The following CYP2F1 variants were observed in gnomAD, a reference collection of about 807,000 sequenced individuals.
CYP2F1 encodes cytochrome P450 family 2 subfamily F member 1, also known as cytochrome P450 2F1.
A neutral mutation model predicts 40.4 loss-of-function variants in CYP2F1; 33 were observed. The ratio of observed to expected loss-of-function variants is 0.82; its 90% CI spans 0.62 to 1.09. The LOEUF (loss-of-function observed/expected upper bound fraction) is 1.09, where lower values mean the gene tolerates loss of function less well. CYP2F1 is among the 50% of genes least tolerant of loss of function. CYP2F1 has a pLI of 0.00. For missense variants in CYP2F1, 566 were observed against 655.7 expected, an observed-to-expected ratio of 0.86 and a Z score of 1.49; for synonymous variants, 235 against 277.2, an observed-to-expected ratio of 0.85 and a Z score of 1.51.
chr19:41,124,723 C>T lies in CYP2F1; in HGVS notation c.969C>T (p.Arg323=), dbSNP rs73545061. 1.1e-3 allele frequency: 1,685 copies of T among 1,600,820 alleles called. 16 individuals are homozygous for T. In the African/African-American group the frequency reaches 0.02, roughly 19 times the overall value. Reference sequence around the variant, plus strand: ...CGCTTCCCGCTTCCTCTCCAGCCCGCGTGCAGGAGGAGATCGACCTCGTGG... The same window carrying T: ...CGCTTCCCGCTTCCTCTCCAGCCCGTGTGCAGGAGGAGATCGACCTCGTGG... ...ALMKYPKVQA[R]VQEEIDLVVG... is the part of the protein sequence containing the mutation. Residue 323 remains arginine (R), a synonymous_variant, in exon 8 of 10, where the codon CGC becomes CGT. Transcript: ENST00000331105.
At chr19:41,117,830 CTTTATTTA>C (rs71896870) in intron 3 of CYP2F1, among the ~76,000 whole-genome samples, 47,062 of 149,500 alleles carry the variant, frequency 0.31, 7,519 homozygotes, top group Admixed American at 0.4. Flanking sequence ...GGTCTTCAAA[CTTTATTTA>C]TTTATTTATT....
chr19:41,120,955 G>A (rs2032160679), intron 4 of CYP2F1, among the ~76,000 whole-genome samples: 1 of 152,016 alleles, frequency 6.6e-6, no homozygotes. Flanking sequence ...TGTCGCCCAG[G>A]CTGGGTTGCT....
chr19:41,118,586 G>A (rs2031958504), intron 3 of CYP2F1, among the ~76,000 whole-genome samples: 1 of 152,180 alleles, frequency 6.6e-6, no homozygotes, highest in African/African-American at 2.4e-5. Context: ...ATGCAAAGAG[G>A]TGGAGACAGG....
chr19:41,121,055 C>T (rs2032166978), intron 4 of CYP2F1, among the ~76,000 whole-genome samples: 3 of 152,088 alleles, frequency 2.0e-5, no homozygotes, highest in East Asian at 1.9e-4. Context: ...GGGATGTTTC[C>T]GGGCTGGCTG....
rs554060920 is a variant in CYP2F1, at chr19:41,124,188, G to A, written c.965-531G>A. Among the ~76,000 whole-genome samples, 6 of 134,718 alleles carry A rather than the reference G, an allele frequency of 4.5e-5. No individual in the cohort carries two copies. In the East Asian group the frequency reaches 1.1e-3, roughly 24 times the overall value. 88.4% of individuals were successfully genotyped at this position (134,718 alleles called of 152,430 possible). A position where few individuals can be genotyped will look rare whatever the true frequency, so the allele number is the denominator to read the frequency against. Reference sequence around the variant, plus strand: ...AGGCCCTTGCACAAGCCAAGCTTTCGCCCTCACTGACCCACTTCCTCCCAG... The same window carrying A: ...AGGCCCTTGCACAAGCCAAGCTTTCACCCTCACTGACCCACTTCCTCCCAG... On this transcript the variant is annotated intron_variant, in intron 7 of 9. Transcript: ENST00000331105.
chr19:41,123,282 A>G (rs1599680700), intron 7 of CYP2F1: 1 of 439,098 alleles, frequency 2.3e-6, no homozygotes, highest in East Asian at 6.3e-5. Context: ...GCTCACTGCA[A>G]CCTCCCCCTC....
At chr19:41,119,723 C>CTCTCTCTCTCTATATA (rs1478574507) in intron 3 of CYP2F1, among the ~76,000 whole-genome samples, 25 of 35,796 alleles carry the variant, frequency 7.0e-4, no homozygotes, top group East Asian at 2.3e-3. Context: ...CTCTCTCTCT[C>CTCTCTCTCTCTATATA]TATATATATA....
chr19:41,123,840 G>A (rs2032373377), intron 7 of CYP2F1, among the ~76,000 whole-genome samples: 1 of 151,998 alleles, frequency 6.6e-6, no homozygotes, highest in Admixed American at 6.6e-5. Flanking sequence ...GCTTAGTCTT[G>A]CTTTGTGCCG....
chr19:41,124,837 C>T lies in CYP2F1; in HGVS notation c.1083C>T (p.Asp361=). Residue 361 remains aspartate, a synonymous_variant, in exon 8 of 10, where the codon GAC becomes GAT. Transcript: ENST00000331105. ...AVIHEVQRFA[D]IIPMNLPHRV... ...TCCACGAGGTGCAGCGCTTTGCAGACATCATCCCCATGAACTTGCCGCACC... is the reference window on the plus strand; with the variant it reads ...TCCACGAGGTGCAGCGCTTTGCAGATATCATCCCCATGAACTTGCCGCACC... 1 of 1,611,762 alleles carries T rather than the reference C, an allele frequency of 6.2e-7. No homozygotes were observed. The highest frequency in any genetic ancestry group is 2.2e-5 in the East Asian group (1 of 44,860).
In CYP2F1 at chr19:41,116,095, G is replaced by A. The variant is rs145625453; in HGVS notation, c.-11-83G>A. On this transcript the variant is annotated intron_variant, in intron 1 of 9. Coordinates refer to ENST00000331105, the MANE Select transcript of CYP2F1 (RefSeq NM_000774.5). ...CTCTCCATCTGCCTTCATTTCCAGG[G>A]CCTAGGGAAGGTAAGTCCCAGGGGA... is the stretch of plus-strand genomic sequence containing the variant. 128 of 1,329,986 alleles carry A rather than the reference G, an allele frequency of 9.6e-5. 2 individuals carry two copies. In the African/African-American group the frequency reaches 1.5e-3, roughly 16 times the overall value. 82.4% of individuals were successfully genotyped at this position (1,329,986 alleles called of 1,614,324 possible). A position where few individuals can be genotyped will look rare whatever the true frequency, so the allele number is the denominator to read the frequency against.
At chr19:41,114,788 CTTTTTT>C (rs36044091) in intron 1 of CYP2F1, among the ~76,000 whole-genome samples, 1 of 100,010 alleles carries the variant, frequency 1.0e-5, no homozygotes, top group Non-Finnish European at 1.9e-5. Context: ...CTCTCTCTCT[CTTTTTT>C]TTTTTTTTTT....
At position 41,127,924 on chromosome 19, in the gene CYP2F1, T is replaced by A; in HGVS notation, c.1318T>A (p.Ser440Thr). 6.2e-7 allele frequency: 1 copy of A among 1,611,944 alleles called. No homozygotes were observed. Among genetic ancestry groups the A allele is most frequent in the East Asian group, 2.2e-5 (1 of 44,864 alleles). ...SAGRRLCLGE[S>T]LARMELFLYL... is the part of the protein sequence containing the mutation. The stretch of plus-strand genomic sequence containing the variant: ...AGGGCGCCGTCTGTGCCTGGGAGAG[T>A]CGCTGGCGCGCATGGAGCTCTTTCT... The change falls in exon 10 of 10, where the codon TCG becomes ACG. Residue 440 changes from serine (S) to threonine (T), a missense_variant. This residue lies in a region of CYP2F1 where 85 missense variants were observed against 84.9 expected (regional missense o/e 1.00). Transcript: ENST00000331105.
rs371419796 is a variant in CYP2F1, at chr19:41,125,522, C to A, written c.1182C>A (p.Thr394=). ...KGTDVITLLN[T]VHYDPSQFLT... ...CCGATGTCATCACCCTCCTTAACAC[C>A]GTCCACTACGACCCCAGCCAGTTCC... The change falls in exon 9 of 10, where the codon ACC becomes ACA. Residue 394 remains threonine (T), a synonymous_variant. Transcript: ENST00000331105. The A allele has an allele frequency of 2.5e-5, 39 of 1,574,992 alleles. No homozygotes were observed. Among genetic ancestry groups the A allele is most frequent in the Admixed American group, 1.0e-4 (6 of 58,988 alleles).
Position 41,116,518 on chromosome 19 carries a change from A to G in CYP2F1, c.235A>G (p.Ser79Gly). The G allele has an allele frequency of 6.2e-7, 1 of 1,614,012 alleles. No homozygotes were observed. The highest frequency in any genetic ancestry group is 8.5e-7 in the Non-Finnish European group (1 of 1,179,974). Residue 79 changes from serine to glycine, a missense_variant, in exon 3 of 10, where the codon AGC becomes GGC. Physicochemically the swap from Ser to Gly is moderately conservative, Grantham distance 56. This residue lies in a region of CYP2F1 where 264 missense variants were observed against 275.7 expected (regional missense o/e 0.96). Coordinates refer to ENST00000331105, the MANE Select transcript of CYP2F1 (RefSeq NM_000774.5). ...HLGPRRVVVL[S>G]GYQAVKEALV... ...GGGACCCAGGCGGGTGGTGGTCCTC[A>G]GCGGGTACCAAGCTGTGAAGGAGGC...
At chr19:41,127,558 T>G (rs2032591786) in intron 9 of CYP2F1, among the ~76,000 whole-genome samples, 3 of 152,136 alleles carry the variant, frequency 2.0e-5, no homozygotes. Flanking sequence ...GCTCTCAAAC[T>G]CCTGGGCTCA....
rs1393812362 is a variant in CYP2F1, at chr19:41,124,847, A to G, written c.1093A>G (p.Met365Val). ...GCAGCGCTTTGCAGACATCATCCCC[A>G]TGAACTTGCCGCACCGCGTCACTAG... ...EVQRFADIIP[M>V]NLPHRVTRDT... Residue 365 changes from methionine (M) to valine (V), a missense_variant, in exon 8 of 10, where the codon ATG (methionine) becomes GTG (valine). Transcript: ENST00000331105. 3.1e-6 allele frequency: 5 copies of G among 1,611,344 alleles called. No homozygotes were observed. Among genetic ancestry groups the G allele is most frequent in the Admixed American group, 1.7e-5 (1 of 59,940 alleles).
chr19:41,116,434 C>T (rs989878161), intron 2 of CYP2F1, 21 bp from the exon 3 acceptor site: 1 of 1,607,710 alleles, frequency 6.2e-7, no homozygotes, highest in Non-Finnish European at 8.5e-7. Flanking sequence ...CCCCCTGTAA[C>T]TTCTGTCTTC....
chr19:41,116,559 AGAG>A lies in CYP2F1; in HGVS notation c.280_282del (p.Glu94del). 6.2e-7 allele frequency: 1 copy of A among 1,613,980 alleles called. No homozygotes were observed. Among genetic ancestry groups the A allele is most frequent in the Non-Finnish European group, 8.5e-7 (1 of 1,179,970 alleles). The stretch of plus-strand genomic sequence containing the variant: ...TGAAGGAGGCCCTGGTGGACCAGGG[AGAG>A]GAGTTTAGTGGCCGCGGTGACTACC... On this transcript the variant is annotated inframe_deletion, in exon 3 of 10. Transcript: ENST00000331105.
rs1354298472 is a variant in CYP2F1, at chr19:41,119,744, T to TACACAC, written c.335-602_335-601insCACACA. 5.3e-4 allele frequency among the ~76,000 whole-genome samples: 34 copies of TACACAC among 63,898 alleles called. 1 individual carries two copies. In the South Asian group the frequency reaches 7.0e-3, roughly 13 times the overall value. The allele number at this position is 63,898 out of a possible 152,430, so 41.9% of individuals were successfully genotyped here. On this transcript the variant is annotated intron_variant, in intron 3 of 9. Transcript: ENST00000331105. ...CTCTCTATATATATATATATATATA[T>TACACAC]ATATACACACACACACACACACACA...
Sources: gnomAD v4.1 joint callset for allele counts (sites outside exome capture counted in the v4.1 genomes callset) on GRCh38, gnomAD v4.1.1 for gene constraint, gnomAD v4.1.1 regional missense constraint, MANE v1.5 for transcripts, NCBI Gene and HGNC (gene_info 2026-07-23, HGNC 2026-07-21) for gene names.